Variants in TAF12 observed in about 807,000 individuals in gnomAD.
TAF12 encodes the protein TATA-box binding protein associated factor 12, also known as transcription initiation factor TFIID subunit 12.
Under a neutral mutation model 20.8 loss-of-function variants are expected in TAF12, and 3 were observed. That is an observed-to-expected ratio of 0.14 (90% CI 0.07 to 0.37). The LOEUF (loss-of-function observed/expected upper bound fraction) is 0.37. TAF12 is among the 10% of genes least tolerant of loss of function. The pLI is 1.00. For synonymous variants in TAF12, 69 were observed against 70.2 expected, an observed-to-expected ratio of 0.98 and a Z score of 0.09; for missense variants, 131 against 197.9, an observed-to-expected ratio of 0.66 and a Z score of 2.03.
chr1:28,622,252 G>C (rs1667243725), intron 1 of TAF12, 87 bp from the exon 2 acceptor site: 1 of 1,295,712 alleles, frequency 7.7e-7, no homozygotes, highest in Non-Finnish European at 9.9e-7. Context: ...TGGTGCAATG[G>C]CTCACAACTG....
chr1:28,630,871 CTG>C (rs1031491831), intron 1 of TAF12, among the ~76,000 whole-genome samples: 3 of 151,518 alleles, frequency 2.0e-5, no homozygotes, highest in Non-Finnish European at 4.4e-5. Flanking sequence ...TGGTGAAACC[CTG>C]TCTCTACTAA....
chr1:28,633,493 A>G (rs938292241), intron 1 of TAF12, among the ~76,000 whole-genome samples: 1 of 149,732 alleles, frequency 6.7e-6, no homozygotes, highest in Admixed American at 6.6e-5. Context: ...AAAGTAAAAC[A>G]GGGCCAGGTG....
chr1:28,611,959 C>A (rs1020467846), intron 4 of TAF12, among the ~76,000 whole-genome samples: 1 of 152,092 alleles, frequency 6.6e-6, no homozygotes, highest in Non-Finnish European at 1.5e-5. Context: ...GGGTGGTCTG[C>A]TACACATTAA....
Position 28,623,997 on chromosome 1 carries a change from G to C in TAF12, c.-84-1832C>G. The C allele has an allele frequency of 3.0e-6, 3 of 985,796 alleles. No individual in the cohort carries two copies. The South Asian group carries it at 1.4e-4, about 46-fold the overall frequency. 61.1% of individuals were successfully genotyped at this position (985,796 alleles called of 1,614,324 possible). ...TTACATCAGCAACAGCTGTGAGCCC[G>C]GTGAAATGAGAGGCAGCCATTTTCA... is the stretch of plus-strand genomic sequence containing the variant. On this transcript the variant is annotated intron_variant, in intron 1 of 5. Transcript: ENST00000373824.
chr1:28,616,320 T>A (rs545223932), intron 3 of TAF12, among the ~76,000 whole-genome samples: 22 of 145,398 alleles, frequency 1.5e-4, no homozygotes, highest in African/African-American at 5.1e-4. Context: ...CACTTGAACC[T>A]GGGAGATGGA....
chr1:28,619,057 A>T (rs986804968), intron 2 of TAF12, among the ~76,000 whole-genome samples: 1 of 151,834 alleles, frequency 6.6e-6, no homozygotes, highest in Non-Finnish European at 1.5e-5. Context: ...CTTAAGAAAC[A>T]AACAAAAAAA....
intron 4 of TAF12, among the ~76,000 whole-genome samples, chr1:28,611,092 T>C (rs1291548103): frequency 6.6e-6 from 1 of 151,396 alleles, no homozygotes; most frequent in Non-Finnish European, 1.5e-5. Context: ...GAAAAGGCCA[T>C]GAAGTTTTCT....
upstream of TAF12, among the ~76,000 whole-genome samples, chr1:28,646,860 G>A (rs1004961817): frequency 6.6e-6 from 1 of 152,044 alleles, no homozygotes; most frequent in African/African-American, 2.4e-5. Context: ...CACCACACCC[G>A]GCTAATTTTT....
intron 4 of TAF12, among the ~76,000 whole-genome samples, chr1:28,611,674 G>T (rs1408971647): frequency 6.6e-6 from 1 of 152,172 alleles, no homozygotes; most frequent in Non-Finnish European, 1.5e-5. Flanking sequence ...GGCAAGAATA[G>T]ATTCTTCCCT....
chr1:28,623,134 A>G (rs904051706), intron 1 of TAF12, among the ~76,000 whole-genome samples: 1 of 151,960 alleles, frequency 6.6e-6, no homozygotes. Context: ...CCTGAGCCCA[A>G]GAAGTTGAGG....
intron 2 of TAF12, 89 bp from the exon 3 acceptor site, chr1:28,618,119 G>A: frequency 7.9e-7 from 1 of 1,266,398 alleles, no homozygotes; most frequent in Non-Finnish European, 1.1e-6. Flanking sequence ...CTGTCAAATT[G>A]TTGGTTTTAG....
chr1:28,647,392 A>G (rs1668223027), upstream of TAF12, among the ~76,000 whole-genome samples: 1 of 152,010 alleles, frequency 6.6e-6, no homozygotes, highest in African/African-American at 2.4e-5. Flanking sequence ...GGCTCAAGCA[A>G]TCCTTCTGCC....
chr1:28,642,985 G>A lies in TAF12; in HGVS notation c.-85+7C>T, dbSNP rs1237599037. On this transcript the variant is annotated splice_region_variant and intron_variant, in intron 1 of 5. Coordinates refer to ENST00000373824, the MANE Select transcript of TAF12 (RefSeq NM_005644.4). ...TTGTTCCTCAACTGCCAGGGCCCAA[G>A]ACTCACAGGCAGCAGCGTCTATCTC... The A allele has an allele frequency of 2.0e-6, 2 of 986,018 alleles. No individual in the cohort carries two copies. The highest frequency in any genetic ancestry group is 4.7e-5 in the South Asian group (1 of 21,290). 61.1% of individuals were successfully genotyped at this position (986,018 alleles called of 1,614,324 possible).
intron 1 of TAF12, among the ~76,000 whole-genome samples, chr1:28,627,665 C>CAAAAAAAAAAAAAAAAAA: frequency 9.7e-6 from 1 of 103,498 alleles, no homozygotes; most frequent in Non-Finnish European, 1.8e-5. Context: ...TGCACTCCCT[C>CAAAAAAAAAAAAAAAAAA]AAAAAAAAAA....
At chr1:28,633,324 G>A (rs1266874666) in intron 1 of TAF12, among the ~76,000 whole-genome samples, 2 of 150,048 alleles carry the variant, frequency 1.3e-5, no homozygotes, top group Non-Finnish European at 3.0e-5. Flanking sequence ...GTGCCACCAT[G>A]CTGGGCTAAT....
chr1:28,609,897 T>G (rs1666794278), intron 4 of TAF12, among the ~76,000 whole-genome samples: 1 of 152,162 alleles, frequency 6.6e-6, no homozygotes, highest in South Asian at 2.1e-4. Flanking sequence ...CAACTCCCTG[T>G]ACCCCCTTCC....
rs980969855 is a variant in TAF12 at position 28,603,225 on chromosome 1, CT to C, written c.*313del. 1 of 325,736 alleles carries C rather than the reference CT, an allele frequency of 3.1e-6. No individual in the cohort carries two copies. The highest frequency in any genetic ancestry group is 2.1e-5 in the African/African-American group (1 of 47,496). 20.2% of individuals were successfully genotyped at this position (325,736 alleles called of 1,614,324 possible). A position where few individuals can be genotyped will look rare whatever the true frequency, so the allele number is the denominator to read the frequency against. ...AAACCCTTTACAAATCCTGCTAATA[CT>C]GTCTTACCCAAAAAGACCATAATGC... On this transcript the variant is annotated 3_prime_UTR_variant, in exon 6 of 6. Coordinates refer to ENST00000373824, the MANE Select transcript of TAF12 (RefSeq NM_005644.4).
chr1:28,640,590 T>A (rs1313902959), intron 1 of TAF12, among the ~76,000 whole-genome samples: 1 of 152,198 alleles, frequency 6.6e-6, no homozygotes, highest in Non-Finnish European at 1.5e-5. Context: ...CGATAGTGCA[T>A]AAGCTGTGCC....
chr1:28,612,461 T>TTA (rs1666892833), intron 4 of TAF12, among the ~76,000 whole-genome samples: 1 of 146,066 alleles, frequency 6.8e-6, no homozygotes, highest in Non-Finnish European at 1.5e-5. Flanking sequence ...ATATATATAT[T>TTA]TATATATATA....
Sources: allele counts gnomAD v4.1 joint callset (sites outside exome capture counted in the v4.1 genomes callset), GRCh38; gene constraint gnomAD v4.1.1; transcripts MANE v1.5; gene names NCBI Gene and HGNC (gene_info 2026-07-23, HGNC 2026-07-21).